AFG2A: variants seen among roughly 807,000 people sequenced by gnomAD.
The protein encoded by AFG2A is AAA ATPase AFG2A, also known as ATPase family gene 2 protein homolog A.
chr4:123,097,664 T>C, the AFG2A span, among the ~76,000 whole-genome samples: 1 of 152,162 alleles, frequency 6.6e-6, no homozygotes. Flanking sequence ...CTATGACAGT[T>C]ATTATTCTTA....
the AFG2A span, among the ~76,000 whole-genome samples, chr4:123,168,007 C>T: frequency 2.0e-5 from 3 of 152,150 alleles, no homozygotes; most frequent in Non-Finnish European, 4.4e-5. Flanking sequence ...GCACACCAAA[C>T]TGATTGTTTT....
the AFG2A span, among the ~76,000 whole-genome samples, chr4:123,119,125 GT>G: frequency 6.6e-6 from 1 of 150,418 alleles, no homozygotes; most frequent in Non-Finnish European, 1.5e-5. Flanking sequence ...TCCTATTTAG[GT>G]TTTTTTTTCT....
the AFG2A span, among the ~76,000 whole-genome samples, chr4:123,113,958 C>T: frequency 0.44 from 66,542 of 151,516 alleles, 18,041 homozygotes; most frequent in Non-Finnish European, 0.59. Context: ...CAGGTTGTCC[C>T]GACGAATGTT....
the AFG2A span, among the ~76,000 whole-genome samples, chr4:123,266,362 A>G: frequency 6.6e-6 from 1 of 151,986 alleles, no homozygotes; most frequent in East Asian, 1.9e-4. Flanking sequence ...GACATAATTT[A>G]TATAAGGTGC....
chr4:123,224,401 C>T, the AFG2A span, among the ~76,000 whole-genome samples: 3 of 151,984 alleles, frequency 2.0e-5, no homozygotes, highest in Non-Finnish European at 4.4e-5. Flanking sequence ...TGATGTTCCC[C>T]TTCCTGTGTC....
chr4:123,145,144 A>T, the AFG2A span, among the ~76,000 whole-genome samples: 8 of 152,092 alleles, frequency 5.3e-5, no homozygotes, highest in Non-Finnish European at 1.0e-4. Context: ...GTTAATTTTT[A>T]AAAAATAATT....
chr4:123,196,301 G>A, the AFG2A span, among the ~76,000 whole-genome samples: 15 of 150,258 alleles, frequency 1.0e-4, no homozygotes, highest in South Asian at 4.2e-4. Context: ...GAGCCACCGC[G>A]CCCGGCCACA....
the AFG2A span, among the ~76,000 whole-genome samples, chr4:123,244,392 C>T: frequency 6.6e-6 from 1 of 152,130 alleles, no homozygotes. Context: ...ACACGCTGTT[C>T]CTCTCAGAGG....
chr4:123,006,811 T>C, the AFG2A span, among the ~76,000 whole-genome samples: 1 of 152,158 alleles, frequency 6.6e-6, no homozygotes, highest in South Asian at 2.1e-4. Context: ...AATCCTATCA[T>C]CTGTGTACTT....
At chr4:122,944,041 T>C in the AFG2A span, among the ~76,000 whole-genome samples, 148 of 152,332 alleles carry the variant, frequency 9.7e-4, no homozygotes, top group African/African-American at 3.4e-3. Flanking sequence ...GTGGGTAACC[T>C]GACCTTTCTC....
At chr4:123,285,369 T>G in the AFG2A span, among the ~76,000 whole-genome samples, 1 of 152,142 alleles carries the variant, frequency 6.6e-6, no homozygotes, top group Non-Finnish European at 1.5e-5. Flanking sequence ...CTTGGACCAT[T>G]TTTCTCCCTA....
chr4:123,127,128 T>C, the AFG2A span, among the ~76,000 whole-genome samples: 138,103 of 152,140 alleles, frequency 0.91, 62,923 homozygotes, highest in East Asian at 0.98. Flanking sequence ...AGCTAGATCC[T>C]AGAGGTTGAG....
the AFG2A span, among the ~76,000 whole-genome samples, chr4:122,984,113 A>G: frequency 3.9e-5 from 6 of 152,072 alleles, no homozygotes; most frequent in East Asian, 3.9e-4. Flanking sequence ...ATGTGTTTCC[A>G]TTTGTGTCGT....
chr4:123,086,208 G>T, the AFG2A span, among the ~76,000 whole-genome samples: 1 of 152,104 alleles, frequency 6.6e-6, no homozygotes, highest in South Asian at 2.1e-4. Flanking sequence ...AACATTTCTT[G>T]CAAGGCAGGT....
the AFG2A span, among the ~76,000 whole-genome samples, chr4:123,110,917 A>G: frequency 6.6e-6 from 1 of 152,218 alleles, no homozygotes; most frequent in Non-Finnish European, 1.5e-5. Context: ...ATTTTTCTCC[A>G]GTATTGTCAT....
At chr4:122,939,077 T>C in the AFG2A span, among the ~76,000 whole-genome samples, 39,225 of 73,686 alleles carry the variant, frequency 0.53, 14,411 homozygotes, top group East Asian at 0.71. Flanking sequence ...TGTTCTTTCT[T>C]TTTTTTTTTT....
chr4:122,955,090 G>A, the AFG2A span, among the ~76,000 whole-genome samples: 1 of 152,154 alleles, frequency 6.6e-6, no homozygotes, highest in South Asian at 2.1e-4. Context: ...AGGTTCAAGA[G>A]GCAAAAGAGA....
At chr4:122,938,007 T>G in the AFG2A span, 3 of 1,014,400 alleles carry the variant, frequency 3.0e-6, no homozygotes, top group Non-Finnish European at 4.1e-6. Flanking sequence ...TATAATATCT[T>G]TATAATATTA....
the AFG2A span, among the ~76,000 whole-genome samples, chr4:123,271,433 C>G: frequency 6.6e-6 from 1 of 152,044 alleles, no homozygotes; most frequent in Non-Finnish European, 1.5e-5. Context: ...ATTTTATTAT[C>G]AAGAATTGAA....
Sources: gnomAD v4.1 joint callset for allele counts (sites outside exome capture counted in the v4.1 genomes callset) on GRCh38, gnomAD v4.1.1 for gene constraint, MANE v1.5 for transcripts, NCBI Gene and HGNC (gene_info 2026-07-23, HGNC 2026-07-21) for gene names.